CSMD1: variants seen among roughly 807,000 people sequenced by gnomAD.
The protein encoded by CSMD1 is CUB and sushi domain-containing protein 1.
Under a neutral mutation model 417.5 loss-of-function variants are expected in CSMD1, and 213 were observed. The observed-to-expected ratio is 0.51, with a 90% confidence interval of 0.46 to 0.57. The LOEUF (loss-of-function observed/expected upper bound fraction) is 0.57. Ranked by LOEUF, CSMD1 falls within the 20% of genes least tolerant of loss-of-function variation. The pLI, the probability that CSMD1 is intolerant of heterozygous loss-of-function variation, is 0.00. For missense variants in CSMD1, 6,923 were observed against 4,529.7 expected, an observed-to-expected ratio of 1.53 and a Z score of -15.17; for synonymous variants, 2,862 against 1,736.8, an observed-to-expected ratio of 1.65 and a Z score of -16.11.
intron 3 of CSMD1, among the ~76,000 whole-genome samples, chr8:4,042,070 C>T (rs1797920156): frequency 6.6e-6 from 1 of 152,048 alleles, no homozygotes. Flanking sequence ...TGTAATTAAA[C>T]TCACTGAAGG....
intron 12 of CSMD1, among the ~76,000 whole-genome samples, chr8:3,412,290 C>T (rs1485547315): frequency 6.6e-6 from 1 of 151,760 alleles, no homozygotes; most frequent in Non-Finnish European, 1.5e-5. Context: ...AATTGTGCTG[C>T]TATAAATATG....
chr8:3,744,575 A>C (rs10098168), intron 6 of CSMD1, among the ~76,000 whole-genome samples: 32,374 of 152,152 alleles, frequency 0.21, 3,995 homozygotes, highest in South Asian at 0.38. Flanking sequence ...CTAGTTTGTC[A>C]ATGTAAATGT....
chr8:4,487,398 G>A (rs1801472641), intron 2 of CSMD1, among the ~76,000 whole-genome samples: 1 of 152,070 alleles, frequency 6.6e-6, no homozygotes, highest in Non-Finnish European at 1.5e-5. Flanking sequence ...TCCCATCTAT[G>A]AGTGAGAACA....
intron 12 of CSMD1, among the ~76,000 whole-genome samples, chr8:3,423,497 T>A (rs1476086112): frequency 6.6e-6 from 1 of 152,242 alleles, no homozygotes; most frequent in Non-Finnish European, 1.5e-5. Flanking sequence ...TTTGGTTCCC[T>A]GTATCAGTAG....
intron 5 of CSMD1, among the ~76,000 whole-genome samples, chr8:3,817,567 C>G (rs1380665315): frequency 6.6e-6 from 1 of 152,100 alleles, no homozygotes; most frequent in Non-Finnish European, 1.5e-5. Flanking sequence ...GCATGAGCCA[C>G]TGCGCCTGGC....
At chr8:4,056,673 T>C (rs939875671) in intron 3 of CSMD1, among the ~76,000 whole-genome samples, 1 of 152,030 alleles carries the variant, frequency 6.6e-6, no homozygotes, top group African/African-American at 2.4e-5. Context: ...CTCCTCATGC[T>C]ATCCCTCCCC....
chr8:4,001,462 G>A (rs900616181), intron 4 of CSMD1, among the ~76,000 whole-genome samples: 2 of 152,138 alleles, frequency 1.3e-5, no homozygotes, highest in African/African-American at 4.8e-5. Flanking sequence ...TGGTAAAAGA[G>A]GGTTCTTTTT....
At chr8:2,944,991 T>G (rs1356102541) in intron 68 of CSMD1, among the ~76,000 whole-genome samples, 1 of 152,218 alleles carries the variant, frequency 6.6e-6, no homozygotes. Flanking sequence ...GTTTGTGAAT[T>G]ACATAACCAA....
rs1419859181 is a variant in CSMD1, at chr8:3,017,036, C to T, written c.8029+1441G>A. Among the ~76,000 whole-genome samples the T allele has an allele frequency of 4.6e-5, 7 of 152,242 alleles. No individual in the cohort carries two copies. In the South Asian group the frequency reaches 1.0e-3, roughly 23 times the overall value. On this transcript the variant is annotated intron_variant, in intron 52 of 69. Coordinates refer to ENST00000635120, the MANE Select transcript of CSMD1 (RefSeq NM_033225.6). ...ATCACTTAATCTCCCAAAGCACCAACGAAGGCCTTTCCTGCATCCTGTATT... is the reference window on the plus strand; with the variant it reads ...ATCACTTAATCTCCCAAAGCACCAATGAAGGCCTTTCCTGCATCCTGTATT...
intron 10 of CSMD1, 112 bp from the exon 11 acceptor site, chr8:3,493,838 G>A: frequency 4.1e-6 from 3 of 739,336 alleles, no homozygotes; most frequent in East Asian, 2.8e-5. Flanking sequence ...TAATGCCAAT[G>A]TCAAATGATC....
chr8:3,892,597 C>G (rs1309802908), intron 5 of CSMD1, among the ~76,000 whole-genome samples: 1 of 152,012 alleles, frequency 6.6e-6, no homozygotes, highest in Admixed American at 6.6e-5. Flanking sequence ...TCTGTTCTCT[C>G]CCCACTCCTA....
chr8:4,905,159 C>G (rs1242187074), intron 1 of CSMD1, among the ~76,000 whole-genome samples: 2 of 152,000 alleles, frequency 1.3e-5, no homozygotes, highest in Non-Finnish European at 2.9e-5. Flanking sequence ...CCTGGGAGTA[C>G]TATTCGAACA....
In CSMD1 at chr8:4,850,916, T is replaced by TC. The variant is rs1180559592; in HGVS notation, c.85+143415_85+143416insG. On this transcript the variant is annotated intron_variant, in intron 1 of 69. Coordinates refer to ENST00000635120, the MANE Select transcript of CSMD1 (RefSeq NM_033225.6). ...AAGATTGTTTCCCTTGCCCCCCCAC[T>TC]TTTTGTGGTTATTTTTTTATCCTTG... 9.8e-4 allele frequency among the ~76,000 whole-genome samples: 127 copies of TC among 129,670 alleles called. 1 individual carries two copies. The highest frequency in any genetic ancestry group is 4.0e-3 in the African/African-American group (122 of 30,134). The allele number at this position is 129,670 out of a possible 152,430, so 85.1% of individuals were successfully genotyped here.
chr8:4,683,700 C>G (rs886498098), intron 1 of CSMD1, among the ~76,000 whole-genome samples: 1 of 152,182 alleles, frequency 6.6e-6, no homozygotes, highest in African/African-American at 2.4e-5. Context: ...CCTTGGGGTC[C>G]CACCAGGGGT....
In CSMD1 at chr8:4,005,317, C is replaced by G. The variant is rs139753364; in HGVS notation, c.611-7207G>C. 1.0e-3 allele frequency among the ~76,000 whole-genome samples: 154 copies of G among 152,246 alleles called. 2 individuals are homozygous for G. The highest frequency in any genetic ancestry group is 3.4e-3 in the African/African-American group (142 of 41,544). On this transcript the variant is annotated intron_variant, in intron 4 of 69. Coordinates refer to ENST00000635120, the MANE Select transcript of CSMD1 (RefSeq NM_033225.6). ...ATAAAATAATAAAAAAAGTTTCAAG[C>G]CTACAGACATTCATTGTACTTGCAG...
chr8:3,415,969 G>C (rs1233118303), intron 12 of CSMD1, among the ~76,000 whole-genome samples: 1 of 152,104 alleles, frequency 6.6e-6, no homozygotes, highest in Non-Finnish European at 1.5e-5. Flanking sequence ...GTAGCCACTA[G>C]CTACAGTGAC....
chr8:4,517,025 G>T lies in CSMD1; in HGVS notation c.303-96960C>A, dbSNP rs191735093. On this transcript the variant is annotated intron_variant, in intron 2 of 69. Transcript: ENST00000635120. ...CTATATCAGATATAGTTTAAGATTT[G>T]GAAGACTAATTATTTAGATCTCTGT... Among the ~76,000 whole-genome samples the T allele has an allele frequency of 2.2e-3, 333 of 152,230 alleles. 2 individuals carry two copies. The highest frequency in any genetic ancestry group is 7.8e-3 in the African/African-American group (323 of 41,522).
intron 3 of CSMD1, among the ~76,000 whole-genome samples, chr8:4,106,651 T>C (rs551459520): frequency 6.6e-6 from 1 of 152,232 alleles, no homozygotes; most frequent in East Asian, 1.9e-4. Flanking sequence ...TTGATAGGTA[T>C]TCACTATAAA....
chr8:4,517,645 T>A (rs756270441), intron 2 of CSMD1, among the ~76,000 whole-genome samples: 10 of 152,222 alleles, frequency 6.6e-5, no homozygotes, highest in Non-Finnish European at 1.5e-4. Context: ...GCCACGAAGT[T>A]ATTCAAACTG....
Sources: gnomAD v4.1 joint callset for allele counts (sites outside exome capture counted in the v4.1 genomes callset) on GRCh38, gnomAD v4.1.1 for gene constraint, MANE v1.5 for transcripts, NCBI Gene and HGNC (gene_info 2026-07-23, HGNC 2026-07-21) for gene names.